The following FRAS1 variants were observed in gnomAD, a reference collection of about 807,000 sequenced individuals.
The protein encoded by FRAS1 is extracellular matrix organizing protein FRAS1.
A neutral mutation model predicts 435.2 loss-of-function variants in FRAS1; 290 were observed. The ratio of observed to expected loss-of-function variants is 0.67; its 90% CI spans 0.61 to 0.73. The LOEUF is 0.73. Ranked by LOEUF, FRAS1 falls within the 30% of genes least tolerant of loss-of-function variation. The pLI, the probability that FRAS1 is intolerant of heterozygous loss-of-function variation, is 0.00. For synonymous variants in FRAS1, 1,800 were observed against 1,851.0 expected (o/e 0.97, Z 0.71); for missense variants, 4,860 against 5,001.5 (o/e 0.97, Z 0.85).
intron 18 of FRAS1, chr4:78,319,434 T>A (rs796404408): frequency 2.2e-6 from 1 of 456,964 alleles, no homozygotes; most frequent in African/African-American, 2.0e-5. Flanking sequence ...TACAGAGAAT[T>A]GATGACATCC....
intron 29 of FRAS1, among the ~76,000 whole-genome samples, chr4:78,394,227 CTTGT>C (rs1268836543): frequency 2.6e-5 from 4 of 151,806 alleles, no homozygotes; most frequent in Non-Finnish European, 4.4e-5. Flanking sequence ...CATAATCCTG[CTTGT>C]TTATTTTTGC....
At chr4:78,296,051 C>T (rs1396696818) in intron 14 of FRAS1, among the ~76,000 whole-genome samples, 1 of 151,980 alleles carries the variant, frequency 6.6e-6, no homozygotes, top group African/African-American at 2.4e-5. Flanking sequence ...CCAAACTCAG[C>T]CAGATATTTC....
Position 78,118,217 on chromosome 4 carries a change from A to T in FRAS1, c.108+52201A>T, listed in dbSNP as rs181761750. ...TTTTGTGTCAGAGGAGTACCCGGCC[A>T]TGTGAGGTGTCAGTCTGCCCCTACT... On this transcript the variant is annotated intron_variant, in intron 2 of 73. Transcript: ENST00000512123. Among the ~76,000 whole-genome samples the T allele has an allele frequency of 3.9e-5, 6 of 151,984 alleles. No homozygotes were observed. In the East Asian group the frequency reaches 1.2e-3, roughly 29 times the overall value.
At chr4:78,289,877 C>T (rs1434857364) in intron 14 of FRAS1, among the ~76,000 whole-genome samples, 1 of 152,194 alleles carries the variant, frequency 6.6e-6, no homozygotes, top group Non-Finnish European at 1.5e-5. Flanking sequence ...CTGCCTGTCT[C>T]TTTGGTATCA....
chr4:78,429,537 G>A (rs1734130461), intron 36 of FRAS1, among the ~76,000 whole-genome samples: 1 of 152,176 alleles, frequency 6.6e-6, no homozygotes, highest in African/African-American at 2.4e-5. Flanking sequence ...AGGGGAGCAG[G>A]ATTTCAATGG....
intron 10 of FRAS1, 27 bp from the exon 11 acceptor site, chr4:78,281,371 A>G (rs1198129178): frequency 6.6e-7 from 1 of 1,522,218 alleles, no homozygotes; most frequent in Non-Finnish European, 8.9e-7. Context: ...TTAGTGGCAT[A>G]ATAAAGACAT....
In FRAS1 at chr4:78,522,653, G is replaced by A; in HGVS notation, c.10653G>A (p.Gln3551=). ...EFKTHAKFRG[Q]FVMEHHTLPE... is the part of the protein sequence containing the mutation. Reference sequence around the variant, plus strand: ...ATGTGTTTCCCCTTCAAATAGGACAGTTTGTGATGGAGCATCACACTCTCC... The same window carrying A: ...ATGTGTTTCCCCTTCAAATAGGACAATTTGTGATGGAGCATCACACTCTCC... Residue 3551 remains glutamine (Q), a synonymous_variant, in exon 69 of 74, where the codon CAG becomes CAA. Coordinates refer to ENST00000512123, the MANE Select transcript of FRAS1 (RefSeq NM_025074.7). 1 of 1,600,580 alleles carries A rather than the reference G, an allele frequency of 6.2e-7. No homozygotes were observed. Among genetic ancestry groups the A allele is most frequent in the Non-Finnish European group, 8.5e-7 (1 of 1,172,888 alleles).
At chr4:78,533,867 C>G (rs561784087) in intron 70 of FRAS1, among the ~76,000 whole-genome samples, 5 of 152,110 alleles carry the variant, frequency 3.3e-5, no homozygotes, top group Non-Finnish European at 7.4e-5. Flanking sequence ...CACTCAGTGA[C>G]AAGGCTGAGA....
intron 19 of FRAS1, among the ~76,000 whole-genome samples, chr4:78,334,227 T>G (rs1167152854): frequency 1.3e-5 from 2 of 152,178 alleles, no homozygotes; most frequent in East Asian, 1.9e-4. Context: ...ATGCCACATC[T>G]TAGAAGCAAC....
In FRAS1 at chr4:78,337,683, C is replaced by T; in HGVS notation, c.2288C>T (p.Pro763Leu). The T allele has an allele frequency of 1.9e-6, 3 of 1,612,606 alleles. No homozygotes were observed. The highest frequency in any genetic ancestry group is 2.5e-6 in the Non-Finnish European group (3 of 1,178,766). The change falls in exon 20 of 74, where the codon CCA (proline) becomes CTA (leucine). Residue 763 changes from proline to leucine, a missense_variant. Pro to Leu is a moderately conservative substitution (Grantham distance 98). Coordinates refer to ENST00000512123, the MANE Select transcript of FRAS1 (RefSeq NM_025074.7). ...HQEGSCTECHPTCRQCHGPLE... is the reference protein window; with the variant it reads ...HQEGSCTECHLTCRQCHGPLE... ...TTCGTCCCCCTGCCAGAGTGTCACC[C>T]AACCTGCAGGCAGTGTCATGGGCCG...
chr4:78,105,090 C>A (rs1742327437), intron 2 of FRAS1, among the ~76,000 whole-genome samples: 1 of 152,144 alleles, frequency 6.6e-6, no homozygotes, highest in Admixed American at 6.5e-5. Flanking sequence ...CTCCCAATTT[C>A]TCCTCCTGGC....
At chr4:78,206,048 G>A (rs920899310) in intron 2 of FRAS1, among the ~76,000 whole-genome samples, 15 of 152,130 alleles carry the variant, frequency 9.9e-5, no homozygotes, top group East Asian at 1.9e-4. Flanking sequence ...GGTGAGTAAC[G>A]GCCCCAAGTT....
intron 18 of FRAS1, among the ~76,000 whole-genome samples, chr4:78,322,839 A>G (rs1729562511): frequency 6.6e-6 from 1 of 152,220 alleles, no homozygotes; most frequent in Non-Finnish European, 1.5e-5. Context: ...GGTGCCAGGC[A>G]TTTCTAGGCA....
intron 2 of FRAS1, among the ~76,000 whole-genome samples, chr4:78,195,928 C>T (rs1305717985): frequency 6.7e-6 from 1 of 149,556 alleles, no homozygotes; most frequent in African/African-American, 2.4e-5. Context: ...CTCTCCCTGG[C>T]ATGTTGTTAT....
At chr4:78,473,417 A>C (rs563573480) in intron 52 of FRAS1, 21 bp from the exon 53 acceptor site, 2 of 1,605,474 alleles carry the variant, frequency 1.2e-6, no homozygotes, top group East Asian at 2.2e-5. Context: ...GTTAATTCAC[A>C]GTGAGTCTTT....
chr4:78,492,249 C>T (rs1219215349), intron 59 of FRAS1, among the ~76,000 whole-genome samples: 1 of 152,106 alleles, frequency 6.6e-6, no homozygotes, highest in African/African-American at 2.4e-5. Flanking sequence ...CCTTGCTATC[C>T]CCATCAAGCT....
chr4:78,522,790 C>G lies in FRAS1; in HGVS notation c.10790C>G (p.Ala3597Gly), dbSNP rs1721426908. ...GATTCTCCACATCAACTCTGGAGAG[C>G]CACAAGCTCTTATAACAGGTAAATA... ...TFDSPHQLWR[A>G]TSSYNRKDYS... Residue 3597 changes from alanine (A) to glycine (G), a missense_variant, in exon 69 of 74, where the codon GCC becomes GGC. Coordinates refer to ENST00000512123, the MANE Select transcript of FRAS1 (RefSeq NM_025074.7). 3 of 1,610,416 alleles carry G rather than the reference C, an allele frequency of 1.9e-6. No individual in the cohort carries two copies. In the Admixed American group the frequency reaches 5.0e-5, roughly 27 times the overall value.
At chr4:78,290,594 G>A (rs1316826995) in intron 14 of FRAS1, among the ~76,000 whole-genome samples, 1 of 151,946 alleles carries the variant, frequency 6.6e-6, no homozygotes, top group Non-Finnish European at 1.5e-5. Flanking sequence ...GGGATTACAG[G>A]TGCTCACCAC....
chr4:78,479,261 C>A, intron 55 of FRAS1, 113 bp from the exon 56 acceptor site: 1 of 605,924 alleles, frequency 1.7e-6, no homozygotes, highest in Non-Finnish European at 2.5e-6. Flanking sequence ...AGAGTTTGAA[C>A]AGAAATAGTG....
Sources: allele counts gnomAD v4.1 joint callset (sites outside exome capture counted in the v4.1 genomes callset), GRCh38; gene constraint gnomAD v4.1.1; transcripts MANE v1.5; gene names NCBI Gene and HGNC (gene_info 2026-07-23, HGNC 2026-07-21).